The following STOM variants were observed in gnomAD, a reference collection of about 807,000 sequenced individuals.
STOM encodes the protein stomatin.
In STOM, 25 loss-of-function variants were observed where a neutral mutation model predicts 30.6. The observed-to-expected ratio is 0.82, with a 90% CI of 0.60 to 1.14. STOM has a LOEUF of 1.14. Among genes scored for constraint, STOM ranks in the 50% most tolerant of loss-of-function variants. STOM has a pLI of 0.00. For missense variants in STOM, 292 were observed against 365.2 expected (o/e 0.80, Z 1.63); for synonymous variants, 118 against 130.8 (o/e 0.90, Z 0.67).
intron 2 of STOM, among the ~76,000 whole-genome samples, 157 bp downstream of exon 2, chr9:121,355,896 G>A (rs2064384424): frequency 1.3e-5 from 2 of 152,046 alleles, no homozygotes; most frequent in African/African-American, 2.4e-5. Flanking sequence ...TTAATAGGTG[G>A]GTAGAAGAAT....
At chr9:121,366,661 C>T (rs2064506211) in intron 1 of STOM, among the ~76,000 whole-genome samples, 1 of 152,158 alleles carries the variant, frequency 6.6e-6, no homozygotes, top group Non-Finnish European at 1.5e-5. Context: ...AAACACTTAA[C>T]AATGTTATTT....
chr9:121,354,955 A>G (rs1356552975), intron 2 of STOM, among the ~76,000 whole-genome samples: 3 of 152,106 alleles, frequency 2.0e-5, no homozygotes, highest in African/African-American at 4.8e-5. Flanking sequence ...AGCTGTTAAC[A>G]TTGTTATTCA....
rs185539037 is a variant in STOM at position 121,339,367 on chromosome 9, C to T, written c.*1835G>A. ...CTCAAGGGTGAACCACTTCACACAACAGATAAAACCATCATTTTAAAATTC... is the reference window on the plus strand; with the variant it reads ...CTCAAGGGTGAACCACTTCACACAATAGATAAAACCATCATTTTAAAATTC... On this transcript the variant is annotated 3_prime_UTR_variant, in exon 7 of 7. Coordinates refer to ENST00000286713, the MANE Select transcript of STOM (RefSeq NM_004099.6). 2.4e-5 allele frequency: 9 copies of T among 370,234 alleles called. No individual in the cohort carries two copies. Among genetic ancestry groups the T allele is most frequent in the Admixed American group, 1.0e-4 (2 of 19,838 alleles). The allele number at this position is 370,234 out of a possible 1,614,324, so 22.9% of individuals were successfully genotyped here. A position where few individuals can be genotyped will look rare whatever the true frequency, so the allele number is the denominator to read the frequency against.
chr9:121,360,285 T>A (rs951161366), intron 1 of STOM, among the ~76,000 whole-genome samples: 1 of 152,182 alleles, frequency 6.6e-6, no homozygotes, highest in East Asian at 1.9e-4. Flanking sequence ...GTCTAATCTT[T>A]TATTTTTTAT....
chr9:121,349,096 T>C (rs753657146), intron 5 of STOM, 24 bp downstream of exon 5: 3 of 1,609,522 alleles, frequency 1.9e-6, no homozygotes, highest in Non-Finnish European at 2.5e-6. Context: ...TTCTGGGGGG[T>C]AACAGCATTG....
intron 1 of STOM, among the ~76,000 whole-genome samples, chr9:121,364,025 G>T (rs1252747978): frequency 6.6e-6 from 1 of 151,978 alleles, no homozygotes; most frequent in Non-Finnish European, 1.5e-5. Flanking sequence ...AATTTTAGGA[G>T]AAAAAGACAA....
In STOM at chr9:121,357,441, T is replaced by TATA. The variant is rs1564631312; in HGVS notation, c.62-1286_62-1285insTAT. Among the ~76,000 whole-genome samples the TATA allele has an allele frequency of 3.8e-4, 28 of 74,084 alleles. 1 individual carries two copies. Among genetic ancestry groups the TATA allele is most frequent in the Middle Eastern group, 6.6e-3 (1 of 152 alleles). The allele number at this position is 74,084 out of a possible 152,430, so 48.6% of individuals were successfully genotyped here. ...TTTTAAATGATATATATATATATAT[T>TATA]TATTTATTTATTTTTTGAGACAGAG... On this transcript the variant is annotated intron_variant, in intron 1 of 6. Coordinates refer to ENST00000286713, the MANE Select transcript of STOM (RefSeq NM_004099.6).
At chr9:121,361,194 G>A (rs754650235) in intron 1 of STOM, among the ~76,000 whole-genome samples, 8 of 151,950 alleles carry the variant, frequency 5.3e-5, no homozygotes, top group Non-Finnish European at 8.8e-5. Context: ...ACTCTAGCAG[G>A]CTTATAAATG....
At chr9:121,369,803 A>G (rs2134052030) in intron 1 of STOM, 1 of 329,530 alleles carries the variant, frequency 3.0e-6, no homozygotes, top group Non-Finnish European at 5.6e-6. Flanking sequence ...GCTGGCTGCC[A>G]GTTCCCTCTG....
chr9:121,353,729 C>G (rs2064360069), intron 3 of STOM, among the ~76,000 whole-genome samples: 2 of 152,124 alleles, frequency 1.3e-5, no homozygotes, highest in Admixed American at 1.3e-4. Flanking sequence ...CTCTTCACAC[C>G]CTGCACTCTT....
chr9:121,358,373 G>C (rs2064417746), intron 1 of STOM, among the ~76,000 whole-genome samples: 1 of 151,864 alleles, frequency 6.6e-6, no homozygotes, highest in Admixed American at 6.6e-5. Context: ...CTGAAATAGG[G>C]GGATTGCTTG....
In STOM at chr9:121,340,546, G is replaced by C. The variant is rs779000906; in HGVS notation, c.*656C>G. 2.6e-5 allele frequency: 18 copies of C among 696,352 alleles called. No individual in the cohort carries two copies. Among genetic ancestry groups the C allele is most frequent in the Non-Finnish European group, 3.2e-5 (18 of 566,124 alleles). The allele number at this position is 696,352 out of a possible 1,614,324, so 43.1% of individuals were successfully genotyped here. ...GAGGTTAGGAGTTCGTGACTAGCCT[G>C]GCCAACATGGTGAAACCCCGTCTCT... On this transcript the variant is annotated 3_prime_UTR_variant, in exon 7 of 7. Coordinates refer to ENST00000286713, the MANE Select transcript of STOM (RefSeq NM_004099.6).
intron 4 of STOM, among the ~76,000 whole-genome samples, chr9:121,350,277 G>A (rs924079320): frequency 6.6e-6 from 1 of 152,196 alleles, no homozygotes; most frequent in Admixed American, 6.5e-5. Context: ...AACAACATCA[G>A]GCTGGCACCT....
At chr9:121,350,883 T>A (rs531543919) in intron 4 of STOM, among the ~76,000 whole-genome samples, 1 of 152,264 alleles carries the variant, frequency 6.6e-6, no homozygotes, top group African/African-American at 2.4e-5. Flanking sequence ...GGAAGAGAAG[T>A]GGAGGATTTA....
rs1007333861 is a variant in STOM at position 121,339,435 on chromosome 9, C to G, written c.*1767G>C. 1 of 843,428 alleles carries G rather than the reference C, an allele frequency of 1.2e-6. No individual in the cohort carries two copies. Among genetic ancestry groups the G allele is most frequent in the Admixed American group, 4.4e-5 (1 of 22,678 alleles). The allele number at this position is 843,428 out of a possible 1,614,324, so 52.2% of individuals were successfully genotyped here. On this transcript the variant is annotated 3_prime_UTR_variant, in exon 7 of 7. Transcript: ENST00000286713. ...TGAGTTTAAGTTGCACTGCTCCATA[C>G]CTCTAATAAACTCAGCTAGGAGCCA... is the stretch of plus-strand genomic sequence containing the variant.
rs202011233 is a variant in STOM at position 121,358,306 on chromosome 9, T to TA, written c.62-2151dup. Among the ~76,000 whole-genome samples the TA allele has an allele frequency of 3.7e-3, 558 of 151,714 alleles. 3 individuals are homozygous for TA. Among genetic ancestry groups the TA allele is most frequent in the African/African-American group, 0.012 (501 of 41,372 alleles). ...ACTCCCATCTCTACTTGAAACTTCT[T>TA]AAAAAAAATTAGCTGTGTGTGGTGG... On this transcript the variant is annotated intron_variant, in intron 1 of 6. Coordinates refer to ENST00000286713, the MANE Select transcript of STOM (RefSeq NM_004099.6).
Position 121,370,163 on chromosome 9 carries a change from C to A in STOM, c.25G>T (p.Asp9Tyr), listed in dbSNP as rs2064551651. The A allele has an allele frequency of 1.0e-5, 16 of 1,547,948 alleles. No homozygotes were observed. The highest frequency in any genetic ancestry group is 1.3e-5 in the Non-Finnish European group (15 of 1,146,528). Residue 9 changes from aspartate to tyrosine, a missense_variant, in exon 1 of 7, where the codon GAC (aspartate) becomes TAC (tyrosine). Coordinates refer to ENST00000286713, the MANE Select transcript of STOM (RefSeq NM_004099.6). ...TCGGGGAGCCGCTGGGCTTCGGAGT[C>A]CCGTGTGTGCCGCTTCTCGGCCATG... is the stretch of plus-strand genomic sequence containing the variant. MAEKRHTRDSEAQRLPDSF... is the reference protein window; with the variant it reads MAEKRHTRYSEAQRLPDSF...
chr9:121,369,943 C>T, intron 1 of STOM, 184 bp downstream of exon 1: 2 of 559,146 alleles, frequency 3.6e-6, no homozygotes, highest in Non-Finnish European at 6.3e-6. Flanking sequence ...ACCCCTCCAT[C>T]GTGACCTCAG....
intron 2 of STOM, 87 bp from the exon 3 acceptor site, chr9:121,354,760 A>G: frequency 1.0e-6 from 1 of 981,670 alleles, no homozygotes; most frequent in Non-Finnish European, 1.5e-6. Flanking sequence ...TCTGCTCTAA[A>G]CAGATTAGAT....
Sources: gnomAD v4.1 joint callset for allele counts (sites outside exome capture counted in the v4.1 genomes callset) on GRCh38, gnomAD v4.1.1 for gene constraint, MANE v1.5 for transcripts, NCBI Gene and HGNC (gene_info 2026-07-23, HGNC 2026-07-21) for gene names.